The following COLEC11 variants were observed in gnomAD, a reference collection of about 807,000 sequenced individuals.
COLEC11 encodes collectin subfamily member 11.
In COLEC11, 20 loss-of-function variants were observed where a neutral mutation model predicts 27.3. The observed-to-expected ratio is 0.73, with a 90% CI of 0.51 to 1.06. The LOEUF (loss-of-function observed/expected upper bound fraction) is 1.06, where lower values mean the gene tolerates loss of function less well. Ranked by LOEUF, COLEC11 falls within the 50% of genes least tolerant of loss-of-function variation. COLEC11 has a pLI of 0.00. For missense variants in COLEC11, 310 were observed against 383.0 expected (o/e 0.81, Z 1.59); for synonymous variants, 163 against 154.7 (o/e 1.05, Z -0.40).
chr2:3,604,714 G>C (rs1344403264), intron 2 of COLEC11, among the ~76,000 whole-genome samples: 1 of 152,124 alleles, frequency 6.6e-6, no homozygotes, highest in Non-Finnish European at 1.5e-5. Context: ...TCTCCGGGGG[G>C]ACCTTGCTGG....
At position 3,643,505 on chromosome 2, in the gene COLEC11, TCA is replaced by T; in HGVS notation, c.391_392del (p.Gln131AlafsTer87). 6.2e-7 allele frequency: 1 copy of T among 1,613,850 alleles called. No homozygotes were observed. The highest frequency in any genetic ancestry group is 8.5e-7 in the Non-Finnish European group (1 of 1,180,006). On this transcript the variant is annotated frameshift_variant, in exon 6 of 7. Coordinates refer to ENST00000349077, the MANE Select transcript of COLEC11 (RefSeq NM_024027.5). LOFTEE classifies it high-confidence loss of function. The part of the protein sequence containing the change: ...AIGEMDNQVS[Q>X]LTSELKFIKN... ...TCGGGGAGATGGACAACCAGGTCTC[TCA>T]GCTGACCAGCGAGCTCAAGTTCATC... is the stretch of plus-strand genomic sequence containing the variant.
intron 3 of COLEC11, among the ~76,000 whole-genome samples, chr2:3,626,462 G>A (rs1391441927): frequency 6.6e-6 from 1 of 152,240 alleles, no homozygotes; most frequent in Non-Finnish European, 1.5e-5. Flanking sequence ...ATGACTCCCA[G>A]AAGGGTTAAA....
intron 1 of COLEC11, chr2:3,603,516 C>T (rs935295151): frequency 5.1e-6 from 4 of 784,464 alleles, no homozygotes; most frequent in Middle Eastern, 4.6e-4. Flanking sequence ...GCGGTTTCAC[C>T]ATGTTGTCCA....
chr2:3,628,816 A>G (rs1372944891), intron 3 of COLEC11, among the ~76,000 whole-genome samples: 2 of 152,244 alleles, frequency 1.3e-5, no homozygotes, highest in Non-Finnish European at 2.9e-5. Context: ...ACCTGCTTTG[A>G]GCTGCCCTCA....
intron 4 of COLEC11, among the ~76,000 whole-genome samples, chr2:3,637,948 G>A (rs759811905): frequency 9.2e-5 from 14 of 152,200 alleles, no homozygotes; most frequent in Non-Finnish European, 1.8e-4. Flanking sequence ...CACGTAAGGA[G>A]CGGACGCACC....
At chr2:3,611,236 C>T (rs1034883481) in intron 2 of COLEC11, among the ~76,000 whole-genome samples, 40 of 152,198 alleles carry the variant, frequency 2.6e-4, no homozygotes, top group African/African-American at 8.4e-4. Context: ...TTAGTGCTGC[C>T]CTGTGAACAA....
At chr2:3,634,021 G>T (rs1368460360) in intron 3 of COLEC11, among the ~76,000 whole-genome samples, 1 of 152,198 alleles carries the variant, frequency 6.6e-6, no homozygotes, top group African/African-American at 2.4e-5. Flanking sequence ...CACGGTGAGG[G>T]ACACCTGCCC....
chr2:3,627,693 C>T (rs577040195), intron 3 of COLEC11, among the ~76,000 whole-genome samples: 77 of 148,246 alleles, frequency 5.2e-4, no homozygotes, highest in Middle Eastern at 3.5e-3. Flanking sequence ...ACGCTGGGCA[C>T]GATGACGGTG....
chr2:3,635,706 G>A (rs917342487), intron 3 of COLEC11, among the ~76,000 whole-genome samples: 12 of 152,202 alleles, frequency 7.9e-5, no homozygotes, highest in Non-Finnish European at 5.9e-5. Flanking sequence ...CTCCGTCCTG[G>A]CTGTCCAGCT....
intron 3 of COLEC11, chr2:3,617,848 A>C: frequency 1.6e-6 from 1 of 620,018 alleles, no homozygotes; most frequent in Non-Finnish European, 2.9e-6. Flanking sequence ...ATCTTCTCCA[A>C]TGCTTAATCT....
At chr2:3,609,974 T>C (rs142675959) in intron 2 of COLEC11, among the ~76,000 whole-genome samples, 29 of 152,372 alleles carry the variant, frequency 1.9e-4, no homozygotes, top group African/African-American at 6.7e-4. Context: ...AACCAGTTTT[T>C]AAAAATCAGA....
chr2:3,610,974 G>A (rs1272334500), intron 2 of COLEC11, among the ~76,000 whole-genome samples: 2 of 152,064 alleles, frequency 1.3e-5, no homozygotes, highest in East Asian at 1.9e-4. Context: ...GGTGTTCTGT[G>A]ATGTTGCTCT....
At chr2:3,643,333 G>A (rs1025470137) in intron 5 of COLEC11, 111 bp from the exon 6 acceptor site, 4 of 912,242 alleles carry the variant, frequency 4.4e-6, no homozygotes, top group South Asian at 1.3e-5. Flanking sequence ...TCAAAGGCCC[G>A]TGGGGCACGT....
At chr2:3,599,118 G>A (rs1356960685) in intron 1 of COLEC11, among the ~76,000 whole-genome samples, 3 of 152,112 alleles carry the variant, frequency 2.0e-5, no homozygotes, top group African/African-American at 4.8e-5. Context: ...CACTGGTTAC[G>A]CAATGCTGGG....
chr2:3,632,097 C>T (rs552290767), intron 3 of COLEC11, among the ~76,000 whole-genome samples: 19 of 152,276 alleles, frequency 1.2e-4, no homozygotes, highest in East Asian at 5.8e-4. Flanking sequence ...CGCTGTGACC[C>T]GAGGCACGGA....
At chr2:3,636,179 C>G (rs973850461) in intron 3 of COLEC11, among the ~76,000 whole-genome samples, 1 of 151,902 alleles carries the variant, frequency 6.6e-6, no homozygotes, top group East Asian at 1.9e-4. Flanking sequence ...CCACCACCGC[C>G]GGGCGCAGTG....
At chr2:3,640,131 C>T in intron 4 of COLEC11, 147 bp from the exon 5 acceptor site, 1 of 694,878 alleles carries the variant, frequency 1.4e-6, no homozygotes, top group Non-Finnish European at 2.6e-6. Context: ...CAGGAATTAC[C>T]TGCAGAATGG....
chr2:3,606,793 T>C (rs1662738823), intron 2 of COLEC11, among the ~76,000 whole-genome samples: 1 of 152,064 alleles, frequency 6.6e-6, no homozygotes, highest in African/African-American at 2.4e-5. Context: ...ATGGAGAAAA[T>C]GGTGTGTGCC....
chr2:3,615,835 C>T (rs567827435), intron 3 of COLEC11, among the ~76,000 whole-genome samples: 17 of 20,426 alleles, frequency 8.3e-4, no homozygotes, highest in African/African-American at 1.8e-3. Flanking sequence ...CCGGACGCGG[C>T]GGCTGGCCGG....
Sources: gnomAD v4.1 joint callset for allele counts (sites outside exome capture counted in the v4.1 genomes callset) on GRCh38, gnomAD v4.1.1 for gene constraint, MANE v1.5 for transcripts, NCBI Gene and HGNC (gene_info 2026-07-23, HGNC 2026-07-21) for gene names.